Variants in RAP1GAP2 observed in about 807,000 individuals in gnomAD.
RAP1GAP2 encodes the protein RAP1 GTPase activating protein 2.
A neutral mutation model predicts 95.0 loss-of-function variants in RAP1GAP2; 27 were observed. That is an observed-to-expected ratio of 0.28 (90% CI 0.21 to 0.39). The LOEUF (loss-of-function observed/expected upper bound fraction) is 0.39. Ranked by LOEUF, RAP1GAP2 falls within the 10% of genes least tolerant of loss-of-function variation. The pLI, the probability that RAP1GAP2 is intolerant of heterozygous loss-of-function variation, is 1.00. For missense variants in RAP1GAP2, 771 were observed against 970.0 expected (o/e 0.79, Z 2.72); for synonymous variants, 373 against 380.9 (o/e 0.98, Z 0.24).
At chr17:2,869,981 C>T (rs759482309) in intron 2 of RAP1GAP2, among the ~76,000 whole-genome samples, 1 of 152,274 alleles carries the variant, frequency 6.6e-6, no homozygotes, top group African/African-American at 2.4e-5. Context: ...TGCTGGCCTG[C>T]TTTGAGATGG....
At chr17:2,915,140 T>C (rs2042533055) in intron 3 of RAP1GAP2, among the ~76,000 whole-genome samples, 1 of 152,066 alleles carries the variant, frequency 6.6e-6, no homozygotes, top group Non-Finnish European at 1.5e-5. Context: ...CCCGGGTTGG[T>C]CTCAAACTCT....
rs560314055 is a variant in RAP1GAP2, at chr17:2,831,229, A to C, written c.80+30679A>C. On this transcript the variant is annotated intron_variant, in intron 2 of 24. Transcript: ENST00000254695. Reference sequence around the variant, plus strand: ...GTAGTTGGGACTACAGGCACCTGCCACCACGCCCAGCTACTTTTTGTATTT... The same window carrying C: ...GTAGTTGGGACTACAGGCACCTGCCCCCACGCCCAGCTACTTTTTGTATTT... Among the ~76,000 whole-genome samples the C allele has an allele frequency of 1.4e-3, 200 of 147,874 alleles. 1 individual carries two copies. The highest frequency in any genetic ancestry group is 4.7e-3 in the African/African-American group (188 of 39,896).
rs1360194030 is a variant in RAP1GAP2, at chr17:3,004,468, T to C, written c.1201-901T>C. On this transcript the variant is annotated intron_variant, in intron 14 of 24. Transcript: ENST00000254695. The surrounding 1 kb of genome is among the most constrained non-coding windows in gnomAD (Gnocchi z 4.1). ...AGGGCTGGGCTCACGTCAGCGGCTG[T>C]GTAGGGAAGGGAGGGCAGTCTCCCG... Among the ~76,000 whole-genome samples the C allele has an allele frequency of 6.6e-6, 1 of 152,050 alleles. No individual in the cohort carries two copies. The highest frequency in any genetic ancestry group is 2.4e-5 in the African/African-American group (1 of 41,402).
intron 1 of RAP1GAP2, among the ~76,000 whole-genome samples, chr17:2,799,761 C>A (rs113620240): frequency 7.9e-5 from 12 of 152,300 alleles, no homozygotes; most frequent in South Asian, 4.1e-4. Context: ...CACTGTCCAC[C>A]TTTCTGCCTC....
intron 23 of RAP1GAP2, among the ~76,000 whole-genome samples, chr17:3,031,892 T>TG (rs1168411434): frequency 7.1e-6 from 1 of 140,198 alleles, no homozygotes; most frequent in Non-Finnish European, 1.5e-5. Context: ...GGCTGGTTCC[T>TG]GGGTCCCGAA....
At chr17:3,014,650 A>G (rs1291537893) in intron 17 of RAP1GAP2, among the ~76,000 whole-genome samples, 2 of 151,058 alleles carry the variant, frequency 1.3e-5, no homozygotes, top group South Asian at 4.2e-4. Context: ...CCTGGATTCA[A>G]GCAATTCTTC....
At chr17:3,002,375 C>T (rs2151597172) in intron 14 of RAP1GAP2, among the ~76,000 whole-genome samples, 1 of 152,312 alleles carries the variant, frequency 6.6e-6, no homozygotes, top group Non-Finnish European at 1.5e-5. Context: ...ATCGTGCACT[C>T]CACCTGCCAG....
At position 2,903,204 on chromosome 17, in the gene RAP1GAP2, C is replaced by A. The variant is rs548267352; in HGVS notation, c.81-2080C>A. ...GCAGCTGTCATTCTCACCATGGGCC[C>A]GAAGAGGACCTGAGGGTGATGCCCT... On this transcript the variant is annotated intron_variant, in intron 2 of 24. Transcript: ENST00000254695. This position sits in a 1 kb window ranked among gnomAD's most constrained non-coding sequence, Gnocchi z 4.1. 6.6e-6 allele frequency among the ~76,000 whole-genome samples: 1 copy of A among 152,130 alleles called. No individual in the cohort carries two copies. Among genetic ancestry groups the A allele is most frequent in the Non-Finnish European group, 1.5e-5 (1 of 68,022 alleles).
Position 3,032,463 on chromosome 17 carries a change from A to G in RAP1GAP2, c.*30+14A>G, listed in dbSNP as rs2047354984. On this transcript the variant is annotated intron_variant, in intron 24 of 24. Coordinates refer to ENST00000254695, the MANE Select transcript of RAP1GAP2 (RefSeq NM_015085.5). Reference sequence around the variant, plus strand: ...CGCCTGTCCAAGGTGGGTTGAGTGAATGTCCTGCTGTGGCCGTGAGGGGGG... The same window carrying G: ...CGCCTGTCCAAGGTGGGTTGAGTGAGTGTCCTGCTGTGGCCGTGAGGGGGG... The G allele has an allele frequency of 6.2e-7, 1 of 1,612,236 alleles. No individual in the cohort carries two copies. Among genetic ancestry groups the G allele is most frequent in the Non-Finnish European group, 8.5e-7 (1 of 1,178,356 alleles).
chr17:2,786,430 C>T (rs2068776622), intron 1 of RAP1GAP2, among the ~76,000 whole-genome samples: 1 of 152,214 alleles, frequency 6.6e-6, no homozygotes, highest in Non-Finnish European at 1.5e-5. Flanking sequence ...CCCTTTCCTC[C>T]TCGCACCACC....
Position 2,963,891 on chromosome 17 carries a change from C to T in RAP1GAP2, c.315C>T (p.Ile105=), listed in dbSNP as rs756797161. 1.9e-6 allele frequency: 3 copies of T among 1,612,662 alleles called. No individual in the cohort carries two copies. The highest frequency in any genetic ancestry group is 2.5e-6 in the Non-Finnish European group (3 of 1,179,450). ...AGGGAGGCCCGTACCCTCAGGTCAT[C>T]CTGCCACAGTTTGGGGGCTATTGGA... is the stretch of plus-strand genomic sequence containing the variant. ...VEKGGPYPQV[I]LPQFGGYWIE... is the part of the protein sequence containing the mutation. Residue 105 remains isoleucine, a synonymous_variant, in exon 7 of 25, where the codon ATC becomes ATT. Transcript: ENST00000254695. The surrounding 1 kb of genome is among the most constrained non-coding windows in gnomAD (Gnocchi z 4.8).
chr17:3,024,884 G>C (rs2047058089), intron 19 of RAP1GAP2, among the ~76,000 whole-genome samples: 1 of 152,178 alleles, frequency 6.6e-6, no homozygotes, highest in African/African-American at 2.4e-5. Flanking sequence ...TTCGGGATTG[G>C]GTGGGAGTTA....
At chr17:2,832,935 A>G (rs892686114) in intron 2 of RAP1GAP2, among the ~76,000 whole-genome samples, 10 of 150,990 alleles carry the variant, frequency 6.6e-5, no homozygotes, top group Non-Finnish European at 1.5e-4. Context: ...GCGAGATCGC[A>G]CCACTGCACT....
chr17:2,860,410 T>G (rs1180116610), intron 2 of RAP1GAP2, among the ~76,000 whole-genome samples: 1 of 151,764 alleles, frequency 6.6e-6, no homozygotes, highest in Non-Finnish European at 1.5e-5. Context: ...GGACAGAATG[T>G]GAGGTGCAAA....
At chr17:2,852,043 G>A (rs367706405) in intron 2 of RAP1GAP2, among the ~76,000 whole-genome samples, 6 of 152,142 alleles carry the variant, frequency 3.9e-5, no homozygotes, top group African/African-American at 1.4e-4. Context: ...TAACTGAAGC[G>A]GTCCATCAGC....
At chr17:2,853,694 C>T (rs12938697) in intron 2 of RAP1GAP2, among the ~76,000 whole-genome samples, 1 of 146,336 alleles carries the variant, frequency 6.8e-6, no homozygotes, top group Admixed American at 6.8e-5. Flanking sequence ...GCGGGCGGCG[C>T]GTCTGAGCGG....
In RAP1GAP2 at chr17:2,867,998, C is replaced by T. The variant is rs1299076016; in HGVS notation, c.81-37286C>T. Among the ~76,000 whole-genome samples, 1 of 152,164 alleles carries T rather than the reference C, an allele frequency of 6.6e-6. No individual in the cohort carries two copies. Among genetic ancestry groups the T allele is most frequent in the Non-Finnish European group, 1.5e-5 (1 of 68,022 alleles). On this transcript the variant is annotated intron_variant, in intron 2 of 24. Transcript: ENST00000254695. The surrounding 1 kb of genome is among the most constrained non-coding windows in gnomAD (Gnocchi z 4.5). ...GTCTTTTCTCTGAGTCCATTCTGAA[C>T]ATCAAAGCATTCAGCCTGTGACCGC...
chr17:2,960,447 G>A (rs557685958), intron 4 of RAP1GAP2, among the ~76,000 whole-genome samples: 1 of 152,332 alleles, frequency 6.6e-6, no homozygotes, highest in South Asian at 2.1e-4. Context: ...CAGTGGGAAC[G>A]GCCCTCCCAC....
rs1487006261 is a variant in RAP1GAP2, at chr17:2,871,704, G to T, written c.81-33580G>T. Reference sequence around the variant, plus strand: ...TACCATCCCATGGGCAGTACAGTTTGGCAGTAGCTGTCTCCATTATCCATG... The same window carrying T: ...TACCATCCCATGGGCAGTACAGTTTTGCAGTAGCTGTCTCCATTATCCATG... On this transcript the variant is annotated intron_variant, in intron 2 of 24. Transcript: ENST00000254695. This position sits in a 1 kb window ranked among gnomAD's most constrained non-coding sequence, Gnocchi z 5.0. Among the ~76,000 whole-genome samples, 1 of 152,162 alleles carries T rather than the reference G, an allele frequency of 6.6e-6. No homozygotes were observed. The highest frequency in any genetic ancestry group is 1.5e-5 in the Non-Finnish European group (1 of 68,036).
Sources: allele counts gnomAD v4.1 joint callset (sites outside exome capture counted in the v4.1 genomes callset), GRCh38; gene constraint gnomAD v4.1.1; non-coding constraint Gnocchi (gnomAD v3.1); transcripts MANE v1.5; gene names NCBI Gene and HGNC (gene_info 2026-07-23, HGNC 2026-07-21).